Variants in FAM98B observed in about 807,000 individuals in gnomAD.
FAM98B encodes the protein tRNA splicing ligase complex subunit 3B.
FAM98B carries 32 observed loss-of-function variants against 43.9 expected under a neutral mutation model. The ratio of observed to expected loss-of-function variants is 0.73; its 90% CI spans 0.55 to 0.98. The LOEUF is 0.98. Among genes scored for constraint, FAM98B ranks in the 50% least tolerant of loss-of-function variants. The probability of loss-of-function intolerance (pLI) is 0.00; values close to 1 mark genes in which losing one functional copy is unlikely to be tolerated. For missense variants in FAM98B, 514 were observed against 522.9 expected (o/e 0.98, Z 0.17); for synonymous variants, 190 against 174.0 (o/e 1.09, Z -0.72).
chr15:38,484,909 AAG>A lies in FAM98B; in HGVS notation c.*252_*253del, dbSNP rs1041111140. ...TTGTGTCTTTTTAAAAAACAAAAAA[AAG>A]AACAAAAATTATTTTTTAAAATGTA... On this transcript the variant is annotated 3_prime_UTR_variant, in exon 8 of 8. Transcript: ENST00000397609. 1 of 424,414 alleles carries A rather than the reference AAG, an allele frequency of 2.4e-6. No homozygotes were observed. Among genetic ancestry groups the A allele is most frequent in the Non-Finnish European group, 3.8e-6 (1 of 260,040 alleles). The allele number at this position is 424,414 out of a possible 1,614,324, so 26.3% of individuals were successfully genotyped here.
At position 38,484,336 on chromosome 15, in the gene FAM98B, A is replaced by G; in HGVS notation, c.979A>G (p.Lys327Glu). The change falls in exon 8 of 8, where the codon AAG (lysine) becomes GAG (glutamate). Residue 327 changes from lysine to glutamate, a missense_variant. By Grantham distance (56) the Lys-to-Glu change is moderately conservative. Around this residue, in one of 2 missense-constraint regions of FAM98B, gnomAD observed 469 missense variants for 451.8 expected, o/e 1.04. Transcript: ENST00000397609. Reference sequence around the variant, plus strand: ...ACCTCCAGAAATGCCCCCTTGGCAAAAGAGACAAGAAGGCGGCGGTGGAAG... The same window carrying G: ...ACCTCCAGAAATGCCCCCTTGGCAAGAGAGACAAGAAGGCGGCGGTGGAAG... ...PPPPEMPPWQ[K>E]RQEGGGGRGG... is the part of the protein sequence containing the mutation. The G allele has an allele frequency of 5.2e-6, 8 of 1,540,548 alleles. No individual in the cohort carries two copies. Among genetic ancestry groups the G allele is most frequent in the Non-Finnish European group, 7.0e-6 (8 of 1,143,758 alleles).
At chr15:38,476,874 C>T (rs1890208853) in intron 6 of FAM98B, among the ~76,000 whole-genome samples, 1 of 151,830 alleles carries the variant, frequency 6.6e-6, no homozygotes, top group Non-Finnish European at 1.5e-5. Flanking sequence ...GCCTATAGTC[C>T]CAGCTACTCA....
chr15:38,462,451 C>T (rs571034045), intron 1 of FAM98B, among the ~76,000 whole-genome samples: 11 of 152,026 alleles, frequency 7.2e-5, no homozygotes, highest in Non-Finnish European at 1.6e-4. Flanking sequence ...TAAAGCTGAA[C>T]AAAACAAATG....
At chr15:38,463,993 G>T (rs1366006765) in intron 1 of FAM98B, 39 bp from the exon 2 acceptor site, 7 of 1,551,470 alleles carry the variant, frequency 4.5e-6, no homozygotes, top group Middle Eastern at 2.1e-4. Context: ...TTGTTTGATT[G>T]GCTTATTTAG....
intron 1 of FAM98B, among the ~76,000 whole-genome samples, chr15:38,454,835 T>A (rs1346537796): frequency 6.6e-6 from 1 of 152,208 alleles, no homozygotes; most frequent in Non-Finnish European, 1.5e-5. Context: ...TTTTTCAGAT[T>A]ACTCTTGGCT....
intron 4 of FAM98B, 87 bp downstream of exon 4, chr15:38,470,492 T>A: frequency 1.7e-6 from 2 of 1,210,754 alleles, no homozygotes; most frequent in Admixed American, 3.1e-5. Context: ...TCCCTATAAT[T>A]ATGAGGTATA....
chr15:38,454,957 TGTG>T (rs944326366), intron 1 of FAM98B, among the ~76,000 whole-genome samples: 4 of 152,060 alleles, frequency 2.6e-5, no homozygotes, highest in African/African-American at 9.7e-5. Context: ...ACTTAACAAG[TGTG>T]GTGGTTCGTA....
In FAM98B at chr15:38,470,351, A is replaced by G. The variant is rs866763073; in HGVS notation, c.477A>G (p.Ile159Met). Residue 159 changes from isoleucine to methionine, a missense_variant, in exon 4 of 8, where the codon ATA becomes ATG. Transcript: ENST00000397609. ...AAGCTATGTTTGATACACTTGGTAT[A>G]CCCAAGTCAACAACTTCTGACATTC... Reference protein sequence around the residue: ...EVQAMFDTLGIPKSTTSDIPH... With the variant: ...EVQAMFDTLGMPKSTTSDIPH... 2 of 1,604,772 alleles carry G rather than the reference A, an allele frequency of 1.2e-6. No homozygotes were observed. The highest frequency in any genetic ancestry group is 2.7e-5 in the African/African-American group (2 of 74,344).
At chr15:38,466,830 A>G (rs1890041090) in intron 3 of FAM98B, among the ~76,000 whole-genome samples, 1 of 152,208 alleles carries the variant, frequency 6.6e-6, no homozygotes, top group Non-Finnish European at 1.5e-5. Context: ...CTCACTCCCT[A>G]GAGAGAATAT....
intron 7 of FAM98B, chr15:38,483,549 C>G: frequency 6.6e-6 from 1 of 150,760 alleles, no homozygotes; most frequent in East Asian, 2.0e-4. Flanking sequence ...GCCTGTAGTC[C>G]CAACTACTCG....
At chr15:38,461,454 C>T (rs536424049) in intron 1 of FAM98B, among the ~76,000 whole-genome samples, 7 of 152,160 alleles carry the variant, frequency 4.6e-5, no homozygotes, top group South Asian at 2.1e-4. Context: ...TTGGGTTAAA[C>T]GTGGATTTAA....
In FAM98B at chr15:38,484,371, G is replaced by GGGT; in HGVS notation, c.1026_1028dup (p.Gly346dup). 3 of 1,514,374 alleles carry GGGT rather than the reference G, an allele frequency of 2.0e-6. No individual in the cohort carries two copies. The highest frequency in any genetic ancestry group is 2.6e-6 in the Non-Finnish European group (3 of 1,133,434). 93.8% of individuals were successfully genotyped at this position (1,514,374 alleles called of 1,614,324 possible). On this transcript the variant is annotated inframe_insertion, in exon 8 of 8. Coordinates refer to ENST00000397609, the MANE Select transcript of FAM98B (RefSeq NM_173611.4). ...AAGGCGGCGGTGGAAGGGGTGGTTG[G>GGGT]GGTGGTGGTGGTGGAGGTGGTGGTA... is the stretch of plus-strand genomic sequence containing the variant.
chr15:38,484,586 A>G lies in FAM98B; in HGVS notation c.1229A>G (p.Tyr410Cys), dbSNP rs1388078827. ...AGAGGGGGCTATGGTGGAAGAGGCT[A>G]TGGAGATCCATATGGAGGAGGTGGT... ...GGRGGYGGRG[Y>C]GDPYGGGGGG... The change falls in exon 8 of 8, where the codon TAT becomes TGT. Residue 410 changes from tyrosine to cysteine, a missense_variant. By Grantham distance (194) the Tyr-to-Cys change is radical. Around this residue, in one of 2 missense-constraint regions of FAM98B, gnomAD observed 45 missense variants for 71.1 expected, o/e 0.63. Coordinates refer to ENST00000397609, the MANE Select transcript of FAM98B (RefSeq NM_173611.4). 5 of 1,218,818 alleles carry G rather than the reference A, an allele frequency of 4.1e-6. 1 individual carries two copies. In the South Asian group the frequency reaches 4.2e-5, roughly 10 times the overall value. The allele number at this position is 1,218,818 out of a possible 1,614,324, so 75.5% of individuals were successfully genotyped here.
In FAM98B at chr15:38,462,888, ATGT is replaced by A. The variant is rs202199956; in HGVS notation, c.72-1137_72-1135del. Among the ~76,000 whole-genome samples the A allele has an allele frequency of 2.6e-3, 398 of 152,336 alleles. 10 individuals are homozygous for A. The East Asian group carries it at 0.04, about 15-fold the overall frequency. ...CTGATTCCAAGTCTAAGGCAGGAAG[ATGT>A]TGTTGTAGAAAGCAAGGAAAGTATT... On this transcript the variant is annotated intron_variant, in intron 1 of 7. Coordinates refer to ENST00000397609, the MANE Select transcript of FAM98B (RefSeq NM_173611.4).
intron 6 of FAM98B, among the ~76,000 whole-genome samples, chr15:38,476,244 C>T (rs1326243311): frequency 6.6e-6 from 1 of 152,078 alleles, no homozygotes; most frequent in Non-Finnish European, 1.5e-5. Context: ...ATTAAGAAAA[C>T]TGACTCCATT....
intron 6 of FAM98B, 26 bp downstream of exon 6, chr15:38,474,324 C>A: frequency 2.0e-6 from 3 of 1,511,688 alleles, no homozygotes; most frequent in Non-Finnish European, 2.8e-6. Context: ...CATATGTGTC[C>A]TGTAGGTGGT....
At chr15:38,470,170 A>G (rs1041106214) in intron 3 of FAM98B, 57 bp from the exon 4 acceptor site, 3 of 1,263,514 alleles carry the variant, frequency 2.4e-6, no homozygotes, top group African/African-American at 3.1e-5. Context: ...TTTCAGTGAA[A>G]TATTTCAAGA....
rs1001199981 is a variant in FAM98B, at chr15:38,474,306, T to C, written c.729+8T>C. 1.3e-6 allele frequency: 2 copies of C among 1,588,806 alleles called. No individual in the cohort carries two copies. The highest frequency in any genetic ancestry group is 1.7e-6 in the Non-Finnish European group (2 of 1,158,450). ...TGGTCTGATAGAGCAAAGGTAAGGC[T>C]GTTTTCCCATATGTGTCCTGTAGGT... On this transcript the variant is annotated splice_region_variant and intron_variant, in intron 6 of 7. Coordinates refer to ENST00000397609, the MANE Select transcript of FAM98B (RefSeq NM_173611.4).
chr15:38,461,310 T>C (rs1889942455), intron 1 of FAM98B, among the ~76,000 whole-genome samples: 1 of 152,158 alleles, frequency 6.6e-6, no homozygotes, highest in African/African-American at 2.4e-5. Flanking sequence ...AGCCTTGAGC[T>C]GGGGGGTGCA....
Sources: allele counts gnomAD v4.1 joint callset (sites outside exome capture counted in the v4.1 genomes callset), GRCh38; gene constraint gnomAD v4.1.1; regional missense constraint gnomAD v4.1.1; transcripts MANE v1.5; gene names NCBI Gene and HGNC (gene_info 2026-07-23, HGNC 2026-07-21).